The following PTPRD variants were observed in gnomAD, a reference collection of about 807,000 sequenced individuals.
PTPRD encodes protein tyrosine phosphatase receptor type D.
Under a neutral mutation model 214.5 loss-of-function variants are expected in PTPRD, and 34 were observed. The ratio of observed to expected loss-of-function variants is 0.16; its 90% confidence interval spans 0.12 to 0.21. The LOEUF is 0.21. Ranked by LOEUF, PTPRD falls within the 10% of genes least tolerant of loss-of-function variation. PTPRD has a pLI of 1.00. For synonymous variants in PTPRD, 1,128 were observed against 845.7 expected, an observed-to-expected ratio of 1.33 and a Z score of -5.79; for missense variants, 2,545 against 2,398.7, an observed-to-expected ratio of 1.06 and a Z score of -1.27.
chr9:9,102,560 A>G (rs911704869), intron 10 of PTPRD, among the ~76,000 whole-genome samples: 1 of 152,100 alleles, frequency 6.6e-6, no homozygotes, highest in African/African-American at 2.4e-5. Flanking sequence ...AAAGATAACA[A>G]CTCGCCCTCG....
chr9:10,045,902 G>C (rs1262738327), intron 3 of PTPRD, among the ~76,000 whole-genome samples: 1 of 151,650 alleles, frequency 6.6e-6, no homozygotes, highest in African/African-American at 2.4e-5. Context: ...GATACCTCAT[G>C]ATGTTTTCAA....
At chr9:8,407,602 T>C (rs2093123112) in intron 35 of PTPRD, among the ~76,000 whole-genome samples, 1 of 152,244 alleles carries the variant, frequency 6.6e-6, no homozygotes, top group South Asian at 2.1e-4. Context: ...CACTATCCTT[T>C]ATTTCACCAA....
chr9:10,197,605 G>A (rs145894639), intron 3 of PTPRD, among the ~76,000 whole-genome samples: 417 of 152,218 alleles, frequency 2.7e-3, no homozygotes, highest in African/African-American at 9.4e-3. Context: ...CCCTTTGAAA[G>A]GGTCAGTGGT....
At chr9:10,354,316 T>C (rs1400516489) in intron 2 of PTPRD, among the ~76,000 whole-genome samples, 1 of 152,192 alleles carries the variant, frequency 6.6e-6, no homozygotes. Flanking sequence ...TTTATCTCTA[T>C]GTATATCAAA....
chr9:8,711,109 T>A (rs1346289759), intron 12 of PTPRD, among the ~76,000 whole-genome samples: 1 of 151,858 alleles, frequency 6.6e-6, no homozygotes, highest in Non-Finnish European at 1.5e-5. Flanking sequence ...TAACTCAACA[T>A]AATTAATTAA....
intron 9 of PTPRD, among the ~76,000 whole-genome samples, chr9:9,224,172 G>T (rs530409761): frequency 2.3e-4 from 35 of 151,934 alleles, no homozygotes; most frequent in Non-Finnish European, 4.9e-4. Context: ...TACAGTCAGT[G>T]ACTCCCTCAG....
At chr9:9,556,026 G>A (rs1366159039) in intron 8 of PTPRD, among the ~76,000 whole-genome samples, 1 of 152,034 alleles carries the variant, frequency 6.6e-6, no homozygotes, top group East Asian at 1.9e-4. Flanking sequence ...GGACCCCACA[G>A]GTAGCCAAAA....
At chr9:9,235,817 G>C (rs1445625596) in intron 9 of PTPRD, among the ~76,000 whole-genome samples, 1 of 152,048 alleles carries the variant, frequency 6.6e-6, no homozygotes, top group Non-Finnish European at 1.5e-5. Flanking sequence ...AAAATCATTT[G>C]TATAAATTTG....
At chr9:9,627,050 G>T (rs143609630) in intron 7 of PTPRD, among the ~76,000 whole-genome samples, 2 of 152,140 alleles carry the variant, frequency 1.3e-5, no homozygotes, top group African/African-American at 4.8e-5. Context: ...GTGGTGGCTC[G>T]TGCCTGTAAT....
intron 9 of PTPRD, among the ~76,000 whole-genome samples, chr9:9,324,699 G>A (rs1394786772): frequency 6.6e-6 from 1 of 152,006 alleles, no homozygotes; most frequent in Admixed American, 6.6e-5. Context: ...AGTTTAATTC[G>A]ATCCCATTTG....
chr9:10,301,449 G>T (rs942597438), intron 3 of PTPRD, among the ~76,000 whole-genome samples: 6 of 152,158 alleles, frequency 3.9e-5, no homozygotes, highest in Non-Finnish European at 8.8e-5. Flanking sequence ...AGCCTCAGAA[G>T]GTGGGTAATA....
intron 8 of PTPRD, among the ~76,000 whole-genome samples, chr9:9,420,598 T>C (rs1351423712): frequency 6.6e-6 from 1 of 151,946 alleles, no homozygotes; most frequent in East Asian, 1.9e-4. Context: ...CAAATATGTG[T>C]GTGCACTGAA....
intron 5 of PTPRD, among the ~76,000 whole-genome samples, chr9:9,829,527 G>T (rs2054109490): frequency 6.6e-6 from 1 of 151,676 alleles, no homozygotes; most frequent in Admixed American, 6.6e-5. Context: ...TGTAATCTTT[G>T]TTACAGAAAG....
intron 2 of PTPRD, among the ~76,000 whole-genome samples, chr9:10,423,256 G>A (rs1002010109): frequency 2.0e-5 from 3 of 151,950 alleles, no homozygotes; most frequent in Non-Finnish European, 4.4e-5. Context: ...ATTGAACAAT[G>A]AGAACACTTG....
At chr9:9,597,611 G>C (rs2093449224) in intron 7 of PTPRD, among the ~76,000 whole-genome samples, 1 of 151,994 alleles carries the variant, frequency 6.6e-6, no homozygotes, top group Non-Finnish European at 1.5e-5. Flanking sequence ...GCTGGGGGAA[G>C]TCAACAGTAT....
At chr9:9,941,915 T>C (rs942538229) in intron 4 of PTPRD, among the ~76,000 whole-genome samples, 4 of 152,202 alleles carry the variant, frequency 2.6e-5, no homozygotes, top group African/African-American at 7.2e-5. Context: ...CAAATACTTC[T>C]GTGTATATCT....
chr9:9,085,607 G>C (rs2099765948), intron 10 of PTPRD, among the ~76,000 whole-genome samples: 1 of 150,792 alleles, frequency 6.6e-6, no homozygotes. Context: ...ACTTCATTGT[G>C]AGCCAAGGAC....
At chr9:9,187,300 T>C (rs919738816) in intron 9 of PTPRD, among the ~76,000 whole-genome samples, 1 of 152,074 alleles carries the variant, frequency 6.6e-6, no homozygotes, top group Non-Finnish European at 1.5e-5. Context: ...CATTTAGAAT[T>C]GTTTGCACAT....
At chr9:9,092,078 G>A (rs928671042) in intron 10 of PTPRD, among the ~76,000 whole-genome samples, 1 of 152,160 alleles carries the variant, frequency 6.6e-6, no homozygotes, top group Non-Finnish European at 1.5e-5. Flanking sequence ...ATTTGACATG[G>A]TGAAGGTTTA....
Sources: gnomAD v4.1 joint callset for allele counts (sites outside exome capture counted in the v4.1 genomes callset) on GRCh38, gnomAD v4.1.1 for gene constraint, MANE v1.5 for transcripts, NCBI Gene and HGNC (gene_info 2026-07-23, HGNC 2026-07-21) for gene names.